DLGAP2: variants seen among roughly 807,000 people sequenced by gnomAD.
DLGAP2 encodes the protein disks large-associated protein 2.
Under a neutral mutation model 100.3 loss-of-function variants are expected in DLGAP2, and 26 were observed. The ratio of observed to expected loss-of-function variants is 0.26; its 90% CI spans 0.19 to 0.36. DLGAP2 has a LOEUF of 0.36. DLGAP2 is among the 10% of genes least tolerant of loss of function. DLGAP2 has a pLI of 1.00. For synonymous variants in DLGAP2, 886 were observed against 630.1 expected (o/e 1.41, Z -6.08); for missense variants, 1,858 against 1,453.2 (o/e 1.28, Z -4.53).
chr8:1,601,600 A>ACAG (rs56103738), intron 6 of DLGAP2, among the ~76,000 whole-genome samples: 46,134 of 151,818 alleles, frequency 0.3, 7,256 homozygotes, highest in East Asian at 0.5. Context: ...CTTTTTACAG[A>ACAG]CAGATCAGAC....
intron 2 of DLGAP2, among the ~76,000 whole-genome samples, chr8:968,817 G>A (rs761660769): frequency 1.3e-5 from 2 of 152,140 alleles, no homozygotes; most frequent in African/African-American, 2.4e-5. Flanking sequence ...ATAATGAGTC[G>A]CAGTGGATCC....
At chr8:969,976 G>T (rs541026955) in intron 2 of DLGAP2, among the ~76,000 whole-genome samples, 2 of 152,300 alleles carry the variant, frequency 1.3e-5, no homozygotes, top group Admixed American at 6.5e-5. Flanking sequence ...GCAAAAAATT[G>T]TTCACACCAT....
At chr8:1,458,859 C>G (rs1798392820) in intron 3 of DLGAP2, among the ~76,000 whole-genome samples, 1 of 152,198 alleles carries the variant, frequency 6.6e-6, no homozygotes, top group South Asian at 2.1e-4. Flanking sequence ...GGTCGGGCGT[C>G]CCCATGATAT....
intron 8 of DLGAP2, among the ~76,000 whole-genome samples, chr8:1,648,094 C>G (rs1277429961): frequency 6.6e-6 from 1 of 152,182 alleles, no homozygotes; most frequent in Non-Finnish European, 1.5e-5. Context: ...TGTACCGTGC[C>G]ACACCAGGCT....
At chr8:1,330,833 G>C (rs934442815) in intron 3 of DLGAP2, among the ~76,000 whole-genome samples, 1 of 145,754 alleles carries the variant, frequency 6.9e-6, no homozygotes, top group Non-Finnish European at 1.5e-5. Flanking sequence ...TGAGTTCTGG[G>C]TGGGAGCACA....
At chr8:1,615,143 CTA>C (rs1305622700) in intron 6 of DLGAP2, among the ~76,000 whole-genome samples, 1 of 152,196 alleles carries the variant, frequency 6.6e-6, no homozygotes, top group Non-Finnish European at 1.5e-5. Context: ...ACCCCAAAGT[CTA>C]TTAACATTTG....
At chr8:1,629,996 G>T (rs1337256373) in intron 7 of DLGAP2, among the ~76,000 whole-genome samples, 1 of 152,178 alleles carries the variant, frequency 6.6e-6, no homozygotes, top group African/African-American at 2.4e-5. Context: ...TATCTGAAAG[G>T]ATTCATCATT....
Position 1,201,295 on chromosome 8 carries a change from C to T in DLGAP2, c.74-57556C>T, listed in dbSNP as rs887569637. The stretch of plus-strand genomic sequence containing the variant: ...AGAGCCGAAGTCCCCAGCATCCCCG[C>T]GCAGGTGTGAGGCCCTCAGCGACCC... On this transcript the variant is annotated intron_variant, in intron 2 of 14. Transcript: ENST00000637795. Among the ~76,000 whole-genome samples, 4 of 152,174 alleles carry T rather than the reference C, an allele frequency of 2.6e-5. No homozygotes were observed. In the East Asian group the frequency reaches 5.8e-4, roughly 22 times the overall value.
chr8:1,667,211 G>A (rs1447994640), intron 8 of DLGAP2, among the ~76,000 whole-genome samples: 1 of 152,226 alleles, frequency 6.6e-6, no homozygotes, highest in Non-Finnish European at 1.5e-5. Flanking sequence ...GAGGGAGAGT[G>A]TTAGGGAGTT....
chr8:1,061,586 C>T (rs868034280), intron 2 of DLGAP2, among the ~76,000 whole-genome samples: 7 of 148,756 alleles, frequency 4.7e-5, no homozygotes, highest in African/African-American at 1.5e-4. Flanking sequence ...GCTGGAGTCT[C>T]GCTACTCCCA....
chr8:1,003,358 G>C (rs778534989), intron 2 of DLGAP2: 1 of 152,246 alleles, frequency 6.6e-6, no homozygotes, highest in Non-Finnish European at 1.5e-5. Flanking sequence ...GCTGCAGAAA[G>C]TTCATGCATC....
chr8:1,592,976 A>T (rs1029350810), intron 6 of DLGAP2, among the ~76,000 whole-genome samples: 1 of 152,158 alleles, frequency 6.6e-6, no homozygotes, highest in Non-Finnish European at 1.5e-5. Context: ...ACTGATCCTT[A>T]CATTTATATT....
chr8:1,228,227 TAAAATA>T (rs896190274), intron 2 of DLGAP2, among the ~76,000 whole-genome samples: 17 of 151,506 alleles, frequency 1.1e-4, no homozygotes, highest in African/African-American at 4.1e-4. Flanking sequence ...TAAAGTATAA[TAAAATA>T]AAAATAAAAA....
intron 3 of DLGAP2, among the ~76,000 whole-genome samples, chr8:1,332,134 G>A (rs1174966871): frequency 6.6e-6 from 1 of 152,206 alleles, no homozygotes; most frequent in African/African-American, 2.4e-5. Context: ...AATGTGTCCT[G>A]GTGTAGAAAT....
intron 2 of DLGAP2, among the ~76,000 whole-genome samples, chr8:939,971 C>A (rs967844910): frequency 6.6e-6 from 1 of 151,952 alleles, no homozygotes; most frequent in Non-Finnish European, 1.5e-5. Flanking sequence ...AGAGCGCACA[C>A]CAGGCCCCCA....
chr8:1,004,059 G>C (rs1801038170), intron 2 of DLGAP2, among the ~76,000 whole-genome samples: 1 of 152,066 alleles, frequency 6.6e-6, no homozygotes, highest in Non-Finnish European at 1.5e-5. Flanking sequence ...TACATGTTAG[G>C]ACAGAAGTGA....
chr8:1,623,278 G>A (rs564063778), intron 6 of DLGAP2, among the ~76,000 whole-genome samples: 36 of 152,288 alleles, frequency 2.4e-4, no homozygotes, highest in African/African-American at 7.7e-4. Context: ...AGGGAGTGCT[G>A]CCCCCATCCC....
chr8:815,597 C>T (rs988803513), intron 1 of DLGAP2, among the ~76,000 whole-genome samples: 1 of 152,134 alleles, frequency 6.6e-6, no homozygotes, highest in Non-Finnish European at 1.5e-5. Context: ...ACAGCAAAAT[C>T]CTAAACAACT....
chr8:826,678 A>G (rs956935438), intron 1 of DLGAP2, among the ~76,000 whole-genome samples: 4 of 151,764 alleles, frequency 2.6e-5, no homozygotes, highest in Non-Finnish European at 5.9e-5. Context: ...CCCCTCTCGC[A>G]GCCTTCTCTG....
Sources: allele counts gnomAD v4.1 joint callset (sites outside exome capture counted in the v4.1 genomes callset), GRCh38; gene constraint gnomAD v4.1.1; transcripts MANE v1.5; gene names NCBI Gene and HGNC (gene_info 2026-07-23, HGNC 2026-07-21).